The following SPATA16 variants were observed in gnomAD, a reference collection of about 807,000 sequenced individuals.
The protein encoded by SPATA16 is spermatogenesis-associated protein 16.
Under a neutral mutation model 63.3 loss-of-function variants are expected in SPATA16, and 36 were observed. The observed-to-expected ratio is 0.57, with a 90% CI of 0.44 to 0.75. SPATA16 has a LOEUF of 0.75. Ranked by LOEUF, SPATA16 falls within the 30% of genes least tolerant of loss-of-function variation. The pLI is 0.00. For missense variants in SPATA16, 646 were observed against 679.3 expected (o/e 0.95, Z 0.54); for synonymous variants, 203 against 216.7 (o/e 0.94, Z 0.56).
chr3:173,043,371 A>G (rs791825), intron 3 of SPATA16, among the ~76,000 whole-genome samples: 18,759 of 151,886 alleles, frequency 0.12, 1,362 homozygotes, highest in East Asian at 0.15. Flanking sequence ...TTTACAGTTA[A>G]TATTGTACCA....
At chr3:173,138,817 A>G (rs1025495320) in intron 1 of SPATA16, among the ~76,000 whole-genome samples, 11 of 152,206 alleles carry the variant, frequency 7.2e-5, no homozygotes, top group Non-Finnish European at 1.6e-4. Context: ...TTACCTTTCA[A>G]AGTTGCCTAA....
At chr3:173,133,319 T>C (rs1659146571) in intron 1 of SPATA16, among the ~76,000 whole-genome samples, 5 of 152,164 alleles carry the variant, frequency 3.3e-5, no homozygotes, top group Admixed American at 1.3e-4. Context: ...ATTTCCTTCT[T>C]GGAATTTTCT....
At chr3:172,934,953 CTAT>C (rs1378559032) in intron 6 of SPATA16, among the ~76,000 whole-genome samples, 1 of 152,018 alleles carries the variant, frequency 6.6e-6, no homozygotes, top group Admixed American at 6.6e-5. Context: ...TTTTTGACCA[CTAT>C]TATTATTATC....
At chr3:173,086,178 C>T (rs1737047152) in intron 2 of SPATA16, among the ~76,000 whole-genome samples, 1 of 151,754 alleles carries the variant, frequency 6.6e-6, no homozygotes, top group South Asian at 2.1e-4. Context: ...GCTTTTTTTG[C>T]TTGGTAGACT....
At chr3:173,074,566 T>C (rs1384147221) in intron 2 of SPATA16, among the ~76,000 whole-genome samples, 1 of 152,164 alleles carries the variant, frequency 6.6e-6, no homozygotes, top group Non-Finnish European at 1.5e-5. Context: ...TCCACCATGA[T>C]TGTGAGACCC....
At chr3:172,962,737 G>A (rs1055154420) in intron 5 of SPATA16, among the ~76,000 whole-genome samples, 6 of 149,378 alleles carry the variant, frequency 4.0e-5, no homozygotes, top group African/African-American at 1.5e-4. Context: ...TTCAAAGGAA[G>A]CAGTACTATA....
chr3:173,103,119 C>T (rs1160729727), intron 2 of SPATA16, among the ~76,000 whole-genome samples: 2 of 152,232 alleles, frequency 1.3e-5, no homozygotes, highest in East Asian at 3.9e-4. Context: ...CTCCCAGGGC[C>T]TTAGGAAGCT....
At chr3:173,108,794 T>C (rs1444241043) in intron 2 of SPATA16, among the ~76,000 whole-genome samples, 1 of 152,208 alleles carries the variant, frequency 6.6e-6, no homozygotes, top group Non-Finnish European at 1.5e-5. Flanking sequence ...GATACACAAA[T>C]ACTATTGTGT....
intron 3 of SPATA16, among the ~76,000 whole-genome samples, chr3:173,047,789 A>T (rs1354190035): frequency 2.0e-5 from 3 of 152,048 alleles, no homozygotes; most frequent in African/African-American, 7.2e-5. Flanking sequence ...TCCAGATAAT[A>T]TAGGGAGTAA....
At chr3:173,040,680 AT>A (rs1370314809) in intron 3 of SPATA16, among the ~76,000 whole-genome samples, 1 of 152,198 alleles carries the variant, frequency 6.6e-6, no homozygotes, top group Non-Finnish European at 1.5e-5. Flanking sequence ...TCAGGATGAA[AT>A]GACATGACAG....
chr3:172,945,038 G>A (rs1444648295), intron 6 of SPATA16, among the ~76,000 whole-genome samples: 2 of 152,160 alleles, frequency 1.3e-5, no homozygotes, highest in Admixed American at 6.5e-5. Flanking sequence ...ATTTATGATA[G>A]TGATTACCTC....
rs140516939 is a variant in SPATA16, at chr3:173,074,923, G to A, written c.613-25829C>T. ...TGAGGCAGGAGAATCACTGGAACCCGGGAGGCAGAGATTGCAGTGAGCCAA... is the reference window on the plus strand; with the variant it reads ...TGAGGCAGGAGAATCACTGGAACCCAGGAGGCAGAGATTGCAGTGAGCCAA... On this transcript the variant is annotated intron_variant, in intron 2 of 10. Transcript: ENST00000351008. Among the ~76,000 whole-genome samples, 730 of 148,860 alleles carry A rather than the reference G, an allele frequency of 4.9e-3. 43 individuals carry two copies. The East Asian group carries it at 0.12, about 25-fold the overall frequency.
intron 2 of SPATA16, among the ~76,000 whole-genome samples, chr3:173,104,102 C>T (rs889512984): frequency 6.6e-6 from 1 of 152,202 alleles, no homozygotes; most frequent in Non-Finnish European, 1.5e-5. Flanking sequence ...GTGACCTTTG[C>T]ACCAATTCCC....
chr3:172,982,384 C>A (rs1734342778), intron 4 of SPATA16, among the ~76,000 whole-genome samples: 1 of 152,088 alleles, frequency 6.6e-6, no homozygotes, highest in African/African-American at 2.4e-5. Flanking sequence ...GTATTTATGG[C>A]ATAAATTGAA....
At chr3:173,141,034 C>T (rs1233914221) in intron 1 of SPATA16, 69 bp downstream of exon 1, 1 of 152,400 alleles carries the variant, frequency 6.6e-6, no homozygotes, top group Non-Finnish European at 1.5e-5. Context: ...GGTCATCTCC[C>T]TTCCTTCCCA....
At chr3:172,959,057 A>C (rs1395547515) in intron 5 of SPATA16, among the ~76,000 whole-genome samples, 1 of 151,572 alleles carries the variant, frequency 6.6e-6, no homozygotes, top group East Asian at 1.9e-4. Flanking sequence ...TATCTTGCTG[A>C]AGGGTATTTT....
At chr3:173,053,720 T>C (rs1670730001) in intron 2 of SPATA16, among the ~76,000 whole-genome samples, 1 of 152,138 alleles carries the variant, frequency 6.6e-6, no homozygotes, top group Non-Finnish European at 1.5e-5. Context: ...ACTGTATCAC[T>C]GGAATAAAAT....
chr3:173,022,890 A>G (rs1389720542), intron 3 of SPATA16, among the ~76,000 whole-genome samples: 1 of 152,156 alleles, frequency 6.6e-6, no homozygotes, highest in Admixed American at 6.6e-5. Flanking sequence ...TAGCTAAATG[A>G]TAGACGTCAT....
intron 4 of SPATA16, among the ~76,000 whole-genome samples, chr3:172,995,523 G>C (rs1156536650): frequency 4.6e-5 from 7 of 152,006 alleles, no homozygotes; most frequent in Non-Finnish European, 5.9e-5. Context: ...ATCTGTAGGA[G>C]ATATAACGTA....
Sources: allele counts gnomAD v4.1 joint callset (sites outside exome capture counted in the v4.1 genomes callset), GRCh38; gene constraint gnomAD v4.1.1; transcripts MANE v1.5; gene names NCBI Gene and HGNC (gene_info 2026-07-23, HGNC 2026-07-21).